MYT1L: variants seen among roughly 807,000 people sequenced by gnomAD.
MYT1L encodes the protein myelin transcription factor 1-like protein.
A neutral mutation model predicts 126.7 loss-of-function variants in MYT1L; 12 were observed. The observed-to-expected ratio is 0.09, with a 90% CI of 0.06 to 0.15. The LOEUF (loss-of-function observed/expected upper bound fraction) is 0.15, where lower values mean the gene tolerates loss of function less well. Ranked by LOEUF, MYT1L falls within the 10% of genes least tolerant of loss-of-function variation. The pLI, the probability that MYT1L is intolerant of heterozygous loss-of-function variation, is 1.00. For missense variants in MYT1L, 979 were observed against 1,585.2 expected (o/e 0.62, Z 6.49); for synonymous variants, 541 against 604.2 (o/e 0.90, Z 1.53).
intron 3 of MYT1L, among the ~76,000 whole-genome samples, chr2:2,144,499 C>T (rs2084561505): frequency 6.6e-6 from 1 of 152,198 alleles, no homozygotes; most frequent in Non-Finnish European, 1.5e-5. Context: ...GTGCAGAATC[C>T]CTGCCCCTGA....
At position 2,031,610 on chromosome 2, in the gene MYT1L, C is replaced by T. The variant is rs1350400556; in HGVS notation, c.-158+22368G>A. ...CTCGCCAGTGCCTCTCATCCTGTGG[C>T]CCAGAGCAGATTCTAGAAGGAGGGC... is the stretch of plus-strand genomic sequence containing the variant. On this transcript the variant is annotated intron_variant, in intron 4 of 24. Transcript: ENST00000647738. Among the ~76,000 whole-genome samples the T allele has an allele frequency of 2.2e-5, 3 of 135,456 alleles. No homozygotes were observed. In the East Asian group the frequency reaches 7.3e-4, roughly 33 times the overall value. 88.9% of individuals were successfully genotyped at this position (135,456 alleles called of 152,430 possible). A position where few individuals can be genotyped will look rare whatever the true frequency, so the allele number is the denominator to read the frequency against.
At chr2:1,949,335 C>T (rs559076913) in intron 8 of MYT1L, among the ~76,000 whole-genome samples, 2 of 152,314 alleles carry the variant, frequency 1.3e-5, no homozygotes, top group South Asian at 2.1e-4. Context: ...ATTTAGGTTA[C>T]GCAGGGTTAC....
At chr2:1,994,445 C>A (rs557699461) in intron 5 of MYT1L, among the ~76,000 whole-genome samples, 1 of 152,134 alleles carries the variant, frequency 6.6e-6, no homozygotes. Flanking sequence ...CTCCTCCCAG[C>A]GAGTCCTCCT....
intron 1 of MYT1L, among the ~76,000 whole-genome samples, chr2:2,296,896 T>C (rs949083489): frequency 6.6e-6 from 1 of 152,166 alleles, no homozygotes; most frequent in Non-Finnish European, 1.5e-5. Flanking sequence ...CTCATAGCAA[T>C]GCCCCTGGTG....
At chr2:1,958,724 C>G (rs963503449) in intron 8 of MYT1L, among the ~76,000 whole-genome samples, 5 of 151,816 alleles carry the variant, frequency 3.3e-5, no homozygotes. Flanking sequence ...ACTGCAGAGG[C>G]CCCTTCTTCT....
At chr2:2,152,722 A>T (rs796598375) in intron 3 of MYT1L, among the ~76,000 whole-genome samples, 5 of 152,324 alleles carry the variant, frequency 3.3e-5, no homozygotes, top group African/African-American at 1.2e-4. Context: ...AAATAATTCA[A>T]TTCTACTGGT....
intron 2 of MYT1L, among the ~76,000 whole-genome samples, chr2:2,256,901 A>C (rs2094827182): frequency 6.6e-6 from 1 of 152,144 alleles, no homozygotes; most frequent in Non-Finnish European, 1.5e-5. Flanking sequence ...TGTGTGTGTA[A>C]ATGCCATTCA....
chr2:1,826,280 G>A (rs886191973), intron 21 of MYT1L, among the ~76,000 whole-genome samples: 14 of 152,234 alleles, frequency 9.2e-5, no homozygotes, highest in African/African-American at 2.4e-4. Context: ...GACACAGTTC[G>A]GCTTCCTGCG....
At position 2,088,179 on chromosome 2, in the gene MYT1L, G is replaced by C. The variant is rs566493446; in HGVS notation, c.-303-34056C>G. Reference sequence around the variant, plus strand: ...GCTGCCTGACCACAGGGGAAAGGCCGTGTGTGAAGGGGACTTCTCTGACTT... The same window carrying C: ...GCTGCCTGACCACAGGGGAAAGGCCCTGTGTGAAGGGGACTTCTCTGACTT... On this transcript the variant is annotated intron_variant, in intron 3 of 24. Transcript: ENST00000647738. Among the ~76,000 whole-genome samples the C allele has an allele frequency of 3.3e-5, 5 of 152,344 alleles. No individual in the cohort carries two copies. The South Asian group carries it at 6.2e-4, about 19-fold the overall frequency.
Position 1,912,880 on chromosome 2 carries a change from T to C in MYT1L, c.1619-770A>G, listed in dbSNP as rs1438891578. On this transcript the variant is annotated intron_variant, in intron 11 of 24. Coordinates refer to ENST00000647738, the MANE Select transcript of MYT1L (RefSeq NM_001303052.2). The surrounding 1 kb of genome is among the most constrained non-coding windows in gnomAD (Gnocchi z 4.3). ...TGAATTATTTGTGTCTTCCTTCTTT[T>C]CTGGTCCTTCATGAACGCTCTACTA... Among the ~76,000 whole-genome samples, 1 of 152,154 alleles carries C rather than the reference T, an allele frequency of 6.6e-6. No homozygotes were observed. The highest frequency in any genetic ancestry group is 1.5e-5 in the Non-Finnish European group (1 of 68,050).
chr2:1,850,288 T>A (rs982849375), intron 19 of MYT1L, among the ~76,000 whole-genome samples: 9 of 150,282 alleles, frequency 6.0e-5, no homozygotes, highest in Non-Finnish European at 1.2e-4. Flanking sequence ...TTGCAAGCAG[T>A]ATGTTAAAAG....
chr2:2,169,132 C>T (rs542006076), intron 3 of MYT1L, among the ~76,000 whole-genome samples: 1 of 152,314 alleles, frequency 6.6e-6, no homozygotes, highest in South Asian at 2.1e-4. Flanking sequence ...CAAGCAACTT[C>T]TCTGCAGATG....
At chr2:2,090,730 G>C (rs1213919295) in intron 3 of MYT1L, among the ~76,000 whole-genome samples, 3 of 152,214 alleles carry the variant, frequency 2.0e-5, no homozygotes. Flanking sequence ...ACCTTAGAAA[G>C]TCTTTAAACA....
chr2:2,308,999 C>G (rs1330088938), intron 1 of MYT1L, among the ~76,000 whole-genome samples: 1 of 151,858 alleles, frequency 6.6e-6, no homozygotes, highest in African/African-American at 2.4e-5. Context: ...ACCTACACTT[C>G]AGTACACTCT....
intron 3 of MYT1L, among the ~76,000 whole-genome samples, chr2:2,146,575 C>T (rs886862709): frequency 2.6e-5 from 4 of 152,202 alleles, no homozygotes; most frequent in African/African-American, 4.8e-5. Flanking sequence ...CAAAAAGATG[C>T]AACCTAAAAT....
intron 3 of MYT1L, among the ~76,000 whole-genome samples, chr2:2,058,698 A>G (rs759670974): frequency 2.0e-5 from 3 of 152,254 alleles, no homozygotes; most frequent in Non-Finnish European, 4.4e-5. Flanking sequence ...CTGGGGAATG[A>G]TAACAGTAGT....
At chr2:2,316,820 T>C (rs530799441) in intron 1 of MYT1L, among the ~76,000 whole-genome samples, 1 of 152,082 alleles carries the variant, frequency 6.6e-6, no homozygotes, top group African/African-American at 2.4e-5. Flanking sequence ...ATTTATTTAT[T>C]TTTTTTTCGA....
intron 23 of MYT1L, among the ~76,000 whole-genome samples, chr2:1,794,581 T>C (rs1026909641): frequency 1.3e-5 from 2 of 152,168 alleles, no homozygotes; most frequent in Non-Finnish European, 2.9e-5. Context: ...CCCTGTCTCA[T>C]TGTCCCCAGC....
At chr2:1,976,592 A>G (rs1039073383) in intron 8 of MYT1L, among the ~76,000 whole-genome samples, 1 of 152,346 alleles carries the variant, frequency 6.6e-6, no homozygotes, top group Non-Finnish European at 1.5e-5. Flanking sequence ...CAGTGAGCCA[A>G]GATTGTGCCA....
Sources: gnomAD v4.1 joint callset for allele counts (sites outside exome capture counted in the v4.1 genomes callset) on GRCh38, gnomAD v4.1.1 for gene constraint, Gnocchi (gnomAD v3.1) non-coding constraint, MANE v1.5 for transcripts, NCBI Gene and HGNC (gene_info 2026-07-23, HGNC 2026-07-21) for gene names.